The following SERAC1 variants were observed in gnomAD, a reference collection of about 807,000 sequenced individuals.
The protein encoded by SERAC1 is protein SERAC1.
A neutral mutation model predicts 85.7 loss-of-function variants in SERAC1; 36 were observed. That is an observed-to-expected ratio of 0.42 (90% CI 0.32 to 0.55). The LOEUF (loss-of-function observed/expected upper bound fraction) is 0.55. SERAC1 is among the 20% of genes least tolerant of loss of function. The probability of loss-of-function intolerance (pLI) is 0.11; values close to 1 mark genes in which losing one functional copy is unlikely to be tolerated. For missense variants in SERAC1, 629 were observed against 796.2 expected (o/e 0.79, Z 2.53); for synonymous variants, 242 against 265.3 (o/e 0.91, Z 0.85).
intron 8 of SERAC1, among the ~76,000 whole-genome samples, chr6:158,142,315 C>G (rs1413614706): frequency 6.6e-6 from 1 of 151,786 alleles, no homozygotes; most frequent in Non-Finnish European, 1.5e-5. Flanking sequence ...CACATGCTAC[C>G]ATGTCCAGCT....
chr6:158,114,808 T>C lies in SERAC1; in HGVS notation c.1665A>G (p.Glu555=). The C allele has an allele frequency of 1.2e-6, 2 of 1,605,798 alleles. No homozygotes were observed. The highest frequency in any genetic ancestry group is 2.2e-5 in the South Asian group (2 of 90,696). Residue 555 remains glutamate, a synonymous_variant, in exon 15 of 17, where the codon GAA becomes GAG. Coordinates refer to ENST00000647468, the MANE Select transcript of SERAC1 (RefSeq NM_032861.4). ...TATTACCCTTGCTGAGTTCTTTGAC[T>C]TCCAACGAGGGGAAGAGAAGATAGC... The part of the protein sequence containing the change: ...NIRYLLFPSL[E]VKELSKDSPA...
Position 158,150,452 on chromosome 6 carries a change from C to CCATG in SERAC1, c.262_265dup (p.Gly89AlafsTer32), listed in dbSNP as rs797045105. On this transcript the variant is annotated frameshift_variant and splice_region_variant. Coordinates refer to ENST00000647468, the MANE Select transcript of SERAC1 (RefSeq NM_032861.4). LOFTEE classifies it high-confidence loss of function. ...AGAGGATTACTTTACAATAAACTTA[C>CCATG]CATGATTTTCTCCTTTGTCTAAAGA... 3 of 1,560,956 alleles carry CCATG rather than the reference C, an allele frequency of 1.9e-6. No individual in the cohort carries two copies. The highest frequency in any genetic ancestry group is 2.6e-6 in the Non-Finnish European group (3 of 1,138,446).
intron 8 of SERAC1, among the ~76,000 whole-genome samples, chr6:158,132,589 T>A (rs1437284658): frequency 1.3e-5 from 2 of 152,188 alleles, no homozygotes; most frequent in African/African-American, 4.8e-5. Flanking sequence ...CTACTCTAAA[T>A]TCCCCAAGGA....
At chr6:158,124,109 T>C (rs1216212323) in intron 10 of SERAC1, among the ~76,000 whole-genome samples, 2 of 152,188 alleles carry the variant, frequency 1.3e-5, no homozygotes, top group Admixed American at 6.5e-5. Flanking sequence ...ATAAGAGGAC[T>C]GAAGACTTGG....
chr6:158,119,361 C>G lies in SERAC1; in HGVS notation c.1167-191G>C, dbSNP rs1415963676. ...AGCTTTGGCAAAGACATACATGAAG[C>G]ATGTTCACTGTTCTCTAAAAATGGA... is the stretch of plus-strand genomic sequence containing the variant. On this transcript the variant is annotated intron_variant, in intron 11 of 16. Transcript: ENST00000647468. This position sits in a 1 kb window ranked among gnomAD's most constrained non-coding sequence, Gnocchi z 4.5. Among the ~76,000 whole-genome samples the G allele has an allele frequency of 6.6e-6, 1 of 152,300 alleles. No individual in the cohort carries two copies. The highest frequency in any genetic ancestry group is 6.5e-5 in the Admixed American group (1 of 15,302).
chr6:158,114,562 G>C (rs987408106), intron 15 of SERAC1: 21 of 1,222,782 alleles, frequency 1.7e-5, no homozygotes, highest in Non-Finnish European at 2.2e-5. Context: ...AAGTATTTAA[G>C]ATAATATTAA....
intron 10 of SERAC1, among the ~76,000 whole-genome samples, chr6:158,126,034 T>C (rs980877479): frequency 1.3e-5 from 2 of 152,198 alleles, no homozygotes; most frequent in Non-Finnish European, 2.9e-5. Context: ...ATATCAATAA[T>C]TACATTAGTA....
Position 158,143,159 on chromosome 6 carries a change from C to T in SERAC1, c.635G>A (p.Arg212Lys). 1 of 1,613,698 alleles carries T rather than the reference C, an allele frequency of 6.2e-7. No homozygotes were observed. Among genetic ancestry groups the T allele is most frequent in the South Asian group, 1.1e-5 (1 of 91,016 alleles). Residue 212 changes from arginine to lysine, a missense_variant, in exon 8 of 17, where the codon AGA becomes AAA. Arg to Lys is a conservative substitution (Grantham distance 26, BLOSUM62 2). Coordinates refer to ENST00000647468, the MANE Select transcript of SERAC1 (RefSeq NM_032861.4). ...TTGAGGTAAGGAAGCCAGCAACTGT[C>T]TGAGCTCTTCTTCAGTGGAAGAATC... ...KEDSSTEEEL[R>K]QLLASLPQTE...
intron 1 of SERAC1, chr6:158,158,694 T>C (rs1312161600): frequency 5.2e-6 from 1 of 192,456 alleles, no homozygotes; most frequent in Non-Finnish European, 1.1e-5. Context: ...GACAGACTAT[T>C]AATCAGAATA....
Position 158,117,877 on chromosome 6 carries a change from C to T in SERAC1, c.1309-56G>A. Reference sequence around the variant, plus strand: ...GTATGAATCTTCACCACTGCAATTACTGCCTAGTAAATCAAATTTATAACT... The same window carrying T: ...GTATGAATCTTCACCACTGCAATTATTGCCTAGTAAATCAAATTTATAACT... On this transcript the variant is annotated intron_variant, in intron 12 of 16. Transcript: ENST00000647468. This position sits in a 1 kb window ranked among gnomAD's most constrained non-coding sequence, Gnocchi z 4.3. The T allele has an allele frequency of 7.4e-7, 1 of 1,359,288 alleles. No individual in the cohort carries two copies. Among genetic ancestry groups the T allele is most frequent in the Admixed American group, 1.8e-5 (1 of 55,704 alleles). The allele number at this position is 1,359,288 out of a possible 1,614,324, so 84.2% of individuals were successfully genotyped here. A position where few individuals can be genotyped will look rare whatever the true frequency, so the allele number is the denominator to read the frequency against.
In SERAC1 at chr6:158,144,329, GA is replaced by G. The variant is rs769094614; in HGVS notation, c.578del (p.Leu193ProfsTer9). 1.2e-6 allele frequency: 2 copies of G among 1,612,456 alleles called. No individual in the cohort carries two copies. The highest frequency in any genetic ancestry group is 1.7e-6 in the Non-Finnish European group (2 of 1,178,974). ...TTAAAGATGGCAAAGGAGGTGGTAG[GA>G]GAAAAAAGCGAAGATCACTCTCTTC... is the stretch of plus-strand genomic sequence containing the variant. ...RSEESDLRFF[L>X]LPPPLPSLKE... On this transcript the variant is annotated frameshift_variant, in exon 7 of 17. Transcript: ENST00000647468. LOFTEE classifies it high-confidence loss of function.
At chr6:158,138,489 C>G (rs550727717) in intron 8 of SERAC1, among the ~76,000 whole-genome samples, 90 of 122,826 alleles carry the variant, frequency 7.3e-4, no homozygotes, top group African/African-American at 2.8e-3. Flanking sequence ...CACTTTCCCT[C>G]TCTTCACTTG....
intron 12 of SERAC1, 111 bp downstream of exon 12, chr6:158,118,918 G>C (rs1784355583): frequency 1.5e-6 from 2 of 1,300,452 alleles, no homozygotes; most frequent in Non-Finnish European, 2.1e-6. Context: ...AGGGAAAGAA[G>C]AACTGCATGG....
rs796351850 is a variant in SERAC1, at chr6:158,118,932, A to G, written c.1308+97T>C. On this transcript the variant is annotated intron_variant, in intron 12 of 16. Coordinates refer to ENST00000647468, the MANE Select transcript of SERAC1 (RefSeq NM_032861.4). ...AAGGGAAAGAAGAACTGCATGGGAAAAAAATCCCAGAACAAAGAGAAAAAC... is the reference window on the plus strand; with the variant it reads ...AAGGGAAAGAAGAACTGCATGGGAAGAAAATCCCAGAACAAAGAGAAAAAC... 25 of 1,458,528 alleles carry G rather than the reference A, an allele frequency of 1.7e-5. 1 individual carries two copies. The South Asian group carries it at 2.1e-4, about 12-fold the overall frequency. 90.3% of individuals were successfully genotyped at this position (1,458,528 alleles called of 1,614,324 possible). A position where few individuals can be genotyped will look rare whatever the true frequency, so the allele number is the denominator to read the frequency against.
rs765563177 is a variant in SERAC1 at position 158,130,377 on chromosome 6, G to C, written c.848C>G (p.Ser283Cys). The C allele has an allele frequency of 6.7e-7, 1 of 1,502,702 alleles. No individual in the cohort carries two copies. The highest frequency in any genetic ancestry group is 8.9e-7 in the Non-Finnish European group (1 of 1,117,378). 93.1% of individuals were successfully genotyped at this position (1,502,702 alleles called of 1,614,324 possible). The stretch of plus-strand genomic sequence containing the variant: ...CATTTTGAAAATGTAAATTACCTCA[G>C]AATGTTTTACTATAGCTTCTAAACA... ...MFCLEAIVKHSEISTHCDKIE... is the reference protein window; with the variant it reads ...MFCLEAIVKHCEISTHCDKIE... The change falls in exon 9 of 17, where the codon TCT (serine) becomes TGT (cysteine). Residue 283 changes from serine to cysteine, a missense_variant. Physicochemically the swap from Ser to Cys is moderately radical, Grantham distance 112. Coordinates refer to ENST00000647468, the MANE Select transcript of SERAC1 (RefSeq NM_032861.4).
intron 8 of SERAC1, among the ~76,000 whole-genome samples, chr6:158,138,761 G>A (rs1246498743): frequency 6.6e-6 from 1 of 152,066 alleles, no homozygotes; most frequent in Non-Finnish European, 1.5e-5. Flanking sequence ...TGAAAAGCAG[G>A]GGCATAAGAA....
chr6:158,131,187 C>T (rs1298233331), intron 8 of SERAC1, among the ~76,000 whole-genome samples: 2 of 150,998 alleles, frequency 1.3e-5, no homozygotes, highest in Non-Finnish European at 2.9e-5. Flanking sequence ...TCCTACAAGT[C>T]AGTGACAAAA....
intron 1 of SERAC1, among the ~76,000 whole-genome samples, chr6:158,159,520 A>AC (rs1443067217): frequency 3.0e-4 from 46 of 151,746 alleles, no homozygotes; most frequent in Non-Finnish European, 5.6e-4. Context: ...AAAAAAAAAA[A>AC]GACTATAAAT....
intron 2 of SERAC1, among the ~76,000 whole-genome samples, chr6:158,158,016 AT>A (rs1785397083): frequency 6.6e-6 from 1 of 152,220 alleles, no homozygotes; most frequent in African/African-American, 2.4e-5. Flanking sequence ...CTGAATGAAA[AT>A]GCAGTTATAT....
Sources: gnomAD v4.1 joint callset for allele counts (sites outside exome capture counted in the v4.1 genomes callset) on GRCh38, gnomAD v4.1.1 for gene constraint, Gnocchi (gnomAD v3.1) non-coding constraint, MANE v1.5 for transcripts, NCBI Gene and HGNC (gene_info 2026-07-23, HGNC 2026-07-21) for gene names.